PIH1D2: variants seen among roughly 807,000 people sequenced by gnomAD.
PIH1D2 encodes PIH1 domain-containing protein 2.
Under a neutral mutation model 31.2 loss-of-function variants are expected in PIH1D2, and 25 were observed. The observed-to-expected ratio is 0.80, with a 90% CI of 0.58 to 1.12. The LOEUF is 1.12. Ranked by LOEUF, PIH1D2 falls within the 50% of genes most tolerant of loss-of-function variation. The pLI is 0.00. For missense variants in PIH1D2, 310 were observed against 356.6 expected, an observed-to-expected ratio of 0.87 and a Z score of 1.05; for synonymous variants, 116 against 119.9, an observed-to-expected ratio of 0.97 and a Z score of 0.21.
chr11:112,070,654 G>T lies in PIH1D2; in HGVS notation c.595C>A (p.His199Asn). The T allele has an allele frequency of 6.2e-7, 1 of 1,614,104 alleles. No homozygotes were observed. The highest frequency in any genetic ancestry group is 8.5e-7 in the Non-Finnish European group (1 of 1,179,980). ...TTTGGCAGTAACAGTTGAGGAAAGT[G>T]ATCTGGATTGCTCATAGTACTGCTT... ...IRSSTMSNPD[H>N]FPQLLLPKDQ... The change falls in exon 5 of 6, where the codon CAC becomes AAC. Residue 199 changes from histidine (H) to asparagine (N), a missense_variant. Transcript: ENST00000280350.
downstream of PIH1D2, among the ~76,000 whole-genome samples, chr11:112,058,346 A>G (rs1864244180): frequency 6.6e-6 from 1 of 152,156 alleles, no homozygotes; most frequent in Admixed American, 6.5e-5. Flanking sequence ...CGGTATTTTT[A>G]TTAGAGCAGG....
At chr11:112,052,785 G>A in the PIH1D2 span, among the ~76,000 whole-genome samples, 2 of 152,082 alleles carry the variant, frequency 1.3e-5, no homozygotes, top group East Asian at 1.9e-4. Context: ...AGGTCAGTGG[G>A]TAGAGCTAAA....
downstream of PIH1D2, among the ~76,000 whole-genome samples, chr11:112,060,230 C>T (rs1003096990): frequency 2.8e-4 from 40 of 140,396 alleles, 1 homozygote; most frequent in Admixed American, 8.3e-4. Context: ...GGCATGATCT[C>T]GGCTCACTGC....
chr11:112,060,551 T>G (rs587682609), downstream of PIH1D2, among the ~76,000 whole-genome samples: 4 of 152,112 alleles, frequency 2.6e-5, no homozygotes, highest in East Asian at 7.7e-4. Flanking sequence ...GCCTCCCAGG[T>G]TCAAGCAATT....
At position 112,072,779 on chromosome 11, in the gene PIH1D2, G is replaced by A. The variant is rs137957164; in HGVS notation, c.177+219C>T. ...CTTGGGAGGCTGAGGCAGGAGAATC[G>A]CTTAAACCCGGGAGGCAGAGGTTGC... is the stretch of plus-strand genomic sequence containing the variant. On this transcript the variant is annotated intron_variant, in intron 2 of 5. Coordinates refer to ENST00000280350, the MANE Select transcript of PIH1D2 (RefSeq NM_138789.4). 7,222 of 403,238 alleles carry A rather than the reference G, an allele frequency of 0.018. 410 individuals carry two copies. The highest frequency in any genetic ancestry group is 0.13 in the African/African-American group (6,281 of 48,894). The allele number at this position is 403,238 out of a possible 1,614,324, so 25.0% of individuals were successfully genotyped here. A position where few individuals can be genotyped will look rare whatever the true frequency, so the allele number is the denominator to read the frequency against.
Position 112,071,237 on chromosome 11 carries a change from A to G in PIH1D2, c.348T>C (p.His116=). The G allele has an allele frequency of 3.7e-6, 6 of 1,613,702 alleles. No homozygotes were observed. Among genetic ancestry groups the G allele is most frequent in the Non-Finnish European group, 5.1e-6 (6 of 1,179,746 alleles). The change falls in exon 4 of 6, where the codon CAT becomes CAC. Residue 116 remains histidine (H), a synonymous_variant. Transcript: ENST00000280350. ...TTTTCACTTGGTCCTTTTCTGCTGC[A>G]TGAAGAACATCAGGATTGTAGGCAA... is the stretch of plus-strand genomic sequence containing the variant. The part of the protein sequence containing the change: ...IDVAYNPDVL[H]AAEKDQVKKN...
intron 2 of PIH1D2, among the ~76,000 whole-genome samples, chr11:112,071,986 G>A (rs1177563722): frequency 2.0e-5 from 3 of 151,998 alleles, no homozygotes; most frequent in African/African-American, 7.3e-5. Flanking sequence ...CCAGCTACTC[G>A]GGAGGCTGAG....
chr11:112,070,592 T>C lies in PIH1D2; in HGVS notation c.657A>G (p.Glu219=). The C allele has an allele frequency of 1.9e-6, 3 of 1,614,184 alleles. No homozygotes were observed. The highest frequency in any genetic ancestry group is 2.5e-6 in the Non-Finnish European group (3 of 1,180,026). The change falls in exon 5 of 6, where the codon GAA becomes GAG. Residue 219 remains glutamate (E), a synonymous_variant. Coordinates refer to ENST00000280350, the MANE Select transcript of PIH1D2 (RefSeq NM_138789.4). ...QVSGKAVCLI[E]EISSTEIQVE... is the part of the protein sequence containing the mutation. Reference sequence around the variant, plus strand: ...CCTGGATTTCAGTACTGGAAATCTCTTCTATCAGACACACTGCTTTGCCTG... The same window carrying C: ...CCTGGATTTCAGTACTGGAAATCTCCTCTATCAGACACACTGCTTTGCCTG...
downstream of PIH1D2, chr11:112,061,134 G>A (rs782353168): frequency 2.5e-6 from 4 of 1,614,104 alleles, no homozygotes; most frequent in East Asian, 8.9e-5. Flanking sequence ...GGCAATTGGT[G>A]CTTCAGAGGA....
At chr11:112,062,675 A>G (rs986337445), downstream of PIH1D2, 14 of 1,007,730 alleles carry the variant, frequency 1.4e-5, no homozygotes, top group Non-Finnish European at 1.9e-5. Flanking sequence ...GTTATTTATA[A>G]TGGGCATTAC....
downstream of PIH1D2, among the ~76,000 whole-genome samples, chr11:112,060,455 C>T (rs1287787800): frequency 2.0e-5 from 3 of 151,524 alleles, no homozygotes; most frequent in Admixed American, 1.3e-4. Context: ...CCACCACGCC[C>T]AGCGTAATTC....
At chr11:112,058,949 T>A (rs1225149130), downstream of PIH1D2, among the ~76,000 whole-genome samples, 1 of 152,124 alleles carries the variant, frequency 6.6e-6, no homozygotes, top group East Asian at 1.9e-4. Context: ...ATTTGAGTAT[T>A]TTCAGTGTTA....
the PIH1D2 span, among the ~76,000 whole-genome samples, chr11:112,055,981 C>T: frequency 3.2e-4 from 47 of 147,794 alleles, no homozygotes; most frequent in African/African-American, 1.1e-3. Context: ...GATTCTCCTG[C>T]CTCAGCCTCC....
intron 4 of PIH1D2, 165 bp from the exon 5 acceptor site, chr11:112,070,866 A>G: frequency 8.2e-7 from 1 of 1,215,592 alleles, no homozygotes; most frequent in Non-Finnish European, 1.1e-6. Context: ...TTGATTGAAA[A>G]TTTTTCAGGA....
downstream of PIH1D2, chr11:112,064,329 A>G: frequency 1.1e-6 from 1 of 933,542 alleles, no homozygotes; most frequent in Non-Finnish European, 1.5e-6. Context: ...CTGAAAGAAA[A>G]AAGTTAGAAA....
downstream of PIH1D2, among the ~76,000 whole-genome samples, chr11:112,065,413 G>A (rs1283029448): frequency 1.3e-5 from 2 of 152,226 alleles, no homozygotes; most frequent in Non-Finnish European, 2.9e-5. Context: ...AGTGCTGAGT[G>A]CAAGGGTAGA....
the PIH1D2 span, among the ~76,000 whole-genome samples, chr11:112,053,057 C>T: frequency 1.3e-5 from 2 of 152,114 alleles, no homozygotes; most frequent in Non-Finnish European, 2.9e-5. Context: ...GGGCCGGGCT[C>T]ACACCTGTAA....
At chr11:112,070,781 TTAG>T (rs1555184487) in intron 4 of PIH1D2, 80 bp from the exon 5 acceptor site, 9 of 1,422,748 alleles carry the variant, frequency 6.3e-6, no homozygotes, top group African/African-American at 1.4e-5. Flanking sequence ...ATATGTGGTG[TTAG>T]TAGAGATGGT....
downstream of PIH1D2, chr11:112,063,270 C>T (rs1428908944): frequency 2.6e-5 from 4 of 151,970 alleles, no homozygotes; most frequent in Non-Finnish European, 5.9e-5. Flanking sequence ...GTACAGAATT[C>T]AACAGTTACC....
Sources: allele counts gnomAD v4.1 joint callset (sites outside exome capture counted in the v4.1 genomes callset), GRCh38; gene constraint gnomAD v4.1.1; transcripts MANE v1.5; gene names NCBI Gene and HGNC (gene_info 2026-07-23, HGNC 2026-07-21).